Variants in BICC1 observed in about 807,000 individuals in gnomAD.
BICC1 encodes the protein BicC family RNA binding protein 1, also known as protein bicaudal C homolog 1.
In BICC1, 43 loss-of-function variants were observed where a neutral mutation model predicts 111.0. That is an observed-to-expected ratio of 0.39 (90% CI 0.30 to 0.50). BICC1 has a LOEUF of 0.50. Ranked by LOEUF, BICC1 falls within the 20% of genes least tolerant of loss-of-function variation. The pLI, the probability that BICC1 is intolerant of heterozygous loss-of-function variation, is 0.88. For synonymous variants in BICC1, 467 were observed against 434.4 expected, an observed-to-expected ratio of 1.07 and a Z score of -0.93; for missense variants, 1,091 against 1,203.2, an observed-to-expected ratio of 0.91 and a Z score of 1.38.
Position 58,573,018 on chromosome 10 carries a change from CTT to C in BICC1, c.191-47835_191-47834del, listed in dbSNP as rs144725079. On this transcript the variant is annotated intron_variant, in intron 1 of 20. Transcript: ENST00000373886. ...GCCAAAGTAGATAATTCATATTTGA[CTT>C]TGGATCCTGTGTTTTCTAAGTTTTT... Among the ~76,000 whole-genome samples, 1,486 of 152,148 alleles carry C rather than the reference CTT, an allele frequency of 9.8e-3. 22 individuals carry two copies. Among genetic ancestry groups the C allele is most frequent in the African/African-American group, 0.034 (1,427 of 41,478 alleles).
intron 1 of BICC1, among the ~76,000 whole-genome samples, chr10:58,570,776 T>A (rs903684202): frequency 1.3e-5 from 2 of 152,146 alleles, no homozygotes; most frequent in African/African-American, 4.8e-5. Context: ...GAACTGTGTA[T>A]TTCCGAGACC....
intron 3 of BICC1, chr10:58,716,331 T>C (rs1840739324): frequency 3.5e-6 from 5 of 1,420,350 alleles, no homozygotes; most frequent in Non-Finnish European, 3.7e-6. Flanking sequence ...AAGTGCAATG[T>C]CTGAGGAAAT....
intron 9 of BICC1, among the ~76,000 whole-genome samples, chr10:58,795,785 T>A (rs1359281244): frequency 6.6e-6 from 1 of 152,184 alleles, no homozygotes. Flanking sequence ...CATAGATATG[T>A]CACCAATGAG....
At chr10:58,714,242 C>T (rs996994413) in intron 3 of BICC1, among the ~76,000 whole-genome samples, 3 of 152,218 alleles carry the variant, frequency 2.0e-5, no homozygotes, top group Non-Finnish European at 2.9e-5. Context: ...ACATTTCATG[C>T]AGCCTGGTGC....
chr10:58,711,856 T>C (rs1032394330), intron 3 of BICC1, among the ~76,000 whole-genome samples: 17 of 148,678 alleles, frequency 1.1e-4, no homozygotes, highest in Non-Finnish European at 1.8e-4. Context: ...ATGAAACAAA[T>C]TTTCAGTGGA....
chr10:58,706,651 A>G (rs756512143), intron 3 of BICC1, among the ~76,000 whole-genome samples: 3 of 152,122 alleles, frequency 2.0e-5, no homozygotes, highest in Non-Finnish European at 2.9e-5. Context: ...CGCTGTTCTC[A>G]TGATAGTGAA....
At chr10:58,717,119 G>A (rs1280164412) in intron 3 of BICC1, among the ~76,000 whole-genome samples, 1 of 152,182 alleles carries the variant, frequency 6.6e-6, no homozygotes, top group East Asian at 1.9e-4. Context: ...ATTTTAAATA[G>A]ACACTGGTAC....
intron 1 of BICC1, among the ~76,000 whole-genome samples, chr10:58,587,702 T>A (rs532870132): frequency 7.9e-4 from 121 of 152,290 alleles, no homozygotes; most frequent in African/African-American, 2.7e-3. Flanking sequence ...CAATTCAAAG[T>A]TATGGCATAT....
At chr10:58,540,696 C>T (rs1261508422) in intron 1 of BICC1, among the ~76,000 whole-genome samples, 1 of 151,976 alleles carries the variant, frequency 6.6e-6, no homozygotes, top group Non-Finnish European at 1.5e-5. Flanking sequence ...AGAATTAACA[C>T]CAGTCCTTCT....
At position 58,748,054 on chromosome 10, in the gene BICC1, T is replaced by C. The variant is rs1331056400; in HGVS notation, c.308-36947T>C. ...CAGACAGGTAAGTTACATTATATCA[T>C]ACTAGGTGATGTGGGTTCAAAAATT... On this transcript the variant is annotated intron_variant, in intron 3 of 20. Coordinates refer to ENST00000373886, the MANE Select transcript of BICC1 (RefSeq NM_001080512.3). Among the ~76,000 whole-genome samples, 4 of 152,320 alleles carry C rather than the reference T, an allele frequency of 2.6e-5. No homozygotes were observed. In the East Asian group the frequency reaches 7.7e-4, roughly 29 times the overall value.
chr10:58,640,095 A>G (rs549950554), intron 2 of BICC1, among the ~76,000 whole-genome samples: 12 of 152,282 alleles, frequency 7.9e-5, no homozygotes, highest in African/African-American at 2.9e-4. Flanking sequence ...ATAAGATAAC[A>G]TTACTTTTTA....
rs71006209 is a variant in BICC1, at chr10:58,829,191, A to ATTTTTTTT, written c.*324_*331dup. 115 of 42,414 alleles carry ATTTTTTTT rather than the reference A, an allele frequency of 2.7e-3. 15 individuals are homozygous for ATTTTTTTT. Among genetic ancestry groups the ATTTTTTTT allele is most frequent in the African/African-American group, 9.3e-3 (76 of 8,140 alleles). The allele number at this position is 42,414 out of a possible 1,614,324, so 2.6% of individuals were successfully genotyped here. ...TACCTATATAACATATGCACTGATG[A>ATTTTTTTT]TTTTTTTTTTTTTTTTTTTTTTTTT... is the stretch of plus-strand genomic sequence containing the variant. On this transcript the variant is annotated 3_prime_UTR_variant, in exon 21 of 21. Coordinates refer to ENST00000373886, the MANE Select transcript of BICC1 (RefSeq NM_001080512.3).
intron 1 of BICC1, among the ~76,000 whole-genome samples, chr10:58,603,476 T>A (rs1845108367): frequency 6.6e-6 from 1 of 152,152 alleles, no homozygotes; most frequent in Admixed American, 6.5e-5. Flanking sequence ...CATAAGAACT[T>A]GATTTTTCTC....
intron 1 of BICC1, among the ~76,000 whole-genome samples, chr10:58,585,074 G>A (rs1040972886): frequency 4.6e-5 from 7 of 152,316 alleles, no homozygotes; most frequent in Admixed American, 1.3e-4. Context: ...TACAGGTAGA[G>A]TATGAAAAGC....
intron 3 of BICC1, among the ~76,000 whole-genome samples, chr10:58,718,742 ATGTG>A (rs371273354): frequency 6.7e-6 from 1 of 148,448 alleles, no homozygotes; most frequent in African/African-American, 2.5e-5. Flanking sequence ...TAGCATGGAA[ATGTG>A]TGTGTGTGTG....
intron 3 of BICC1, among the ~76,000 whole-genome samples, chr10:58,739,674 C>T (rs940169995): frequency 3.3e-5 from 5 of 151,900 alleles, no homozygotes; most frequent in South Asian, 2.1e-4. Context: ...TTGTTAGAAC[C>T]GATCTAACTT....
intron 3 of BICC1, among the ~76,000 whole-genome samples, chr10:58,765,961 TAA>T (rs1438327929): frequency 1.3e-5 from 2 of 152,194 alleles, no homozygotes; most frequent in East Asian, 1.9e-4. Flanking sequence ...AGGCACACAA[TAA>T]AGTTAGTCCA....
At chr10:58,620,559 A>G (rs947874795) in intron 1 of BICC1, among the ~76,000 whole-genome samples, 3 of 152,240 alleles carry the variant, frequency 2.0e-5, no homozygotes, top group African/African-American at 4.8e-5. Flanking sequence ...ATTTATTCAT[A>G]TAGTTCTTTA....
intron 3 of BICC1, among the ~76,000 whole-genome samples, chr10:58,746,908 A>G (rs545414765): frequency 1.3e-5 from 2 of 152,308 alleles, no homozygotes; most frequent in Admixed American, 6.5e-5. Flanking sequence ...GCCAATAACA[A>G]TAGCCATGAT....
Sources: gnomAD v4.1 joint callset for allele counts (sites outside exome capture counted in the v4.1 genomes callset) on GRCh38, gnomAD v4.1.1 for gene constraint, MANE v1.5 for transcripts, NCBI Gene and HGNC (gene_info 2026-07-23, HGNC 2026-07-21) for gene names.